HPSE2: variants seen among roughly 807,000 people sequenced by gnomAD.
HPSE2 encodes heparanase 2 (inactive).
A neutral mutation model predicts 60.5 loss-of-function variants in HPSE2; 38 were observed. The ratio of observed to expected loss-of-function variants is 0.63; its 90% CI spans 0.48 to 0.82. The LOEUF is 0.82. HPSE2 is among the 40% of genes least tolerant of loss of function. The pLI, the probability that HPSE2 is intolerant of heterozygous loss-of-function variation, is 0.00. For missense variants in HPSE2, 713 were observed against 740.4 expected (o/e 0.96, Z 0.43); for synonymous variants, 295 against 293.2 (o/e 1.01, Z -0.06).
At chr10:98,725,221 C>T (rs1949040295) in intron 4 of HPSE2, among the ~76,000 whole-genome samples, 3 of 152,146 alleles carry the variant, frequency 2.0e-5, no homozygotes, top group Admixed American at 2.0e-4. Context: ...AGGCATCATG[C>T]TACCTGACTT....
intron 3 of HPSE2, among the ~76,000 whole-genome samples, chr10:99,132,196 AGAGAGAGAGAGAGAGAG>A (rs1845441141): frequency 1.1e-4 from 5 of 43,512 alleles, no homozygotes; most frequent in African/African-American, 3.4e-4. Context: ...AAAGAAAGAG[AGAGAGAGAGAGAGAGAG>A]AGAGAGAGAG....
At chr10:99,017,716 C>T (rs1244815907) in intron 3 of HPSE2, among the ~76,000 whole-genome samples, 1 of 152,108 alleles carries the variant, frequency 6.6e-6, no homozygotes, top group Non-Finnish European at 1.5e-5. Flanking sequence ...TGTTACTTGA[C>T]GTGGCTACCA....
chr10:99,051,489 G>A (rs996844202), intron 3 of HPSE2, among the ~76,000 whole-genome samples: 7 of 152,144 alleles, frequency 4.6e-5, no homozygotes, highest in African/African-American at 1.4e-4. Flanking sequence ...TTCAGGGCAG[G>A]CAAAGAAGCT....
At chr10:99,045,410 A>G (rs1295961229) in intron 3 of HPSE2, among the ~76,000 whole-genome samples, 1 of 152,080 alleles carries the variant, frequency 6.6e-6, no homozygotes, top group Non-Finnish European at 1.5e-5. Flanking sequence ...TTAACAATCG[A>G]ACATTGCACC....
intron 2 of HPSE2, among the ~76,000 whole-genome samples, chr10:99,184,641 A>G (rs979343038): frequency 6.7e-6 from 1 of 149,198 alleles, no homozygotes; most frequent in Non-Finnish European, 1.5e-5. Context: ...TGAGAACTAT[A>G]AAATGTATAA....
chr10:98,871,945 A>G (rs1428630602), intron 3 of HPSE2, among the ~76,000 whole-genome samples: 1 of 152,154 alleles, frequency 6.6e-6, no homozygotes, highest in Non-Finnish European at 1.5e-5. Flanking sequence ...GCAAAAAATA[A>G]ATTGATTTTG....
chr10:99,300,820 A>G, the HPSE2 span, among the ~76,000 whole-genome samples: 3 of 152,204 alleles, frequency 2.0e-5, no homozygotes, highest in Non-Finnish European at 4.4e-5. Flanking sequence ...TTAAAACCCA[A>G]TGTTAATTAT....
intron 9 of HPSE2, among the ~76,000 whole-genome samples, chr10:98,501,546 T>C (rs1942029491): frequency 6.6e-6 from 1 of 152,206 alleles, no homozygotes; most frequent in Non-Finnish European, 1.5e-5. Context: ...ACAAGGGACA[T>C]ACCTCAATGT....
intron 2 of HPSE2, among the ~76,000 whole-genome samples, chr10:99,148,529 G>A (rs1406284263): frequency 6.6e-6 from 1 of 152,030 alleles, no homozygotes; most frequent in Non-Finnish European, 1.5e-5. Flanking sequence ...AGTAGCTCAC[G>A]CCTGTAATCC....
Position 98,996,389 on chromosome 10 carries a change from T to C in HPSE2, c.610+147849A>G, listed in dbSNP as rs150647989. Among the ~76,000 whole-genome samples the C allele has an allele frequency of 3.0e-3, 461 of 152,282 alleles. 4 individuals are homozygous for C. The highest frequency in any genetic ancestry group is 0.011 in the African/African-American group (439 of 41,560). On this transcript the variant is annotated intron_variant, in intron 3 of 11. Transcript: ENST00000370552. ...AACCAGAACTTTCATATATTGTTGG[T>C]AAGAGTGTGAAATGGTAGAACCACT...
At chr10:98,766,321 T>C (rs1282365092) in intron 3 of HPSE2, among the ~76,000 whole-genome samples, 1 of 152,138 alleles carries the variant, frequency 6.6e-6, no homozygotes, top group Non-Finnish European at 1.5e-5. Flanking sequence ...GAACATACAC[T>C]AGTTGATTTC....
chr10:98,883,959 T>C (rs564142798), intron 3 of HPSE2, among the ~76,000 whole-genome samples: 3 of 152,288 alleles, frequency 2.0e-5, no homozygotes, highest in Non-Finnish European at 2.9e-5. Flanking sequence ...AGGCCTCTTA[T>C]ACCAAACAGT....
At chr10:99,114,917 A>AAAAG (rs1554891591) in intron 3 of HPSE2, among the ~76,000 whole-genome samples, 36 of 150,926 alleles carry the variant, frequency 2.4e-4, no homozygotes, top group African/African-American at 8.8e-4. Context: ...AAAAAAAAAA[A>AAAAG]AAGAAGAAGA....
intron 5 of HPSE2, among the ~76,000 whole-genome samples, chr10:98,696,703 C>T (rs1948230137): frequency 6.6e-6 from 1 of 152,178 alleles, no homozygotes; most frequent in South Asian, 2.1e-4. Flanking sequence ...AGCTGTGGCT[C>T]CCTGCTGTCT....
intron 11 of HPSE2, among the ~76,000 whole-genome samples, chr10:98,473,272 G>T (rs949292624): frequency 6.6e-6 from 1 of 152,004 alleles, no homozygotes; most frequent in Non-Finnish European, 1.5e-5. Flanking sequence ...ATCACCTGAG[G>T]TCAGGAGTTT....
At chr10:99,120,707 C>T (rs1193763367) in intron 3 of HPSE2, among the ~76,000 whole-genome samples, 1 of 152,172 alleles carries the variant, frequency 6.6e-6, no homozygotes, top group African/African-American at 2.4e-5. Context: ...CTCTTGACCT[C>T]ATGATCCACC....
chr10:98,922,657 T>C (rs1218889358), intron 3 of HPSE2, among the ~76,000 whole-genome samples: 1 of 152,172 alleles, frequency 6.6e-6, no homozygotes, highest in Non-Finnish European at 1.5e-5. Flanking sequence ...TGATCTGATA[T>C]CTAGTACTCA....
intron 6 of HPSE2, among the ~76,000 whole-genome samples, chr10:98,691,327 G>A (rs1331429119): frequency 6.6e-6 from 1 of 152,074 alleles, no homozygotes; most frequent in East Asian, 1.9e-4. Context: ...TGGAGTAGTT[G>A]CAAACAGTGA....
chr10:99,274,354 G>A, the HPSE2 span, among the ~76,000 whole-genome samples: 3 of 151,998 alleles, frequency 2.0e-5, no homozygotes, highest in Non-Finnish European at 4.4e-5. Context: ...AAGAAACAGT[G>A]TAAGGCAAGA....
Sources: allele counts gnomAD v4.1 joint callset (sites outside exome capture counted in the v4.1 genomes callset), GRCh38; gene constraint gnomAD v4.1.1; transcripts MANE v1.5; gene names NCBI Gene and HGNC (gene_info 2026-07-23, HGNC 2026-07-21).